The following TMEM190 variants were observed in gnomAD, a reference collection of about 807,000 sequenced individuals.
TMEM190 encodes the protein transmembrane protein 190.
TMEM190 carries 17 observed loss-of-function variants against 17.1 expected under a neutral mutation model. That is an observed-to-expected ratio of 0.99 (90% CI 0.68 to 1.49). TMEM190 has a LOEUF of 1.49. Among genes scored for constraint, TMEM190 ranks in the 40% most tolerant of loss-of-function variants. The pLI, the probability that TMEM190 is intolerant of heterozygous loss-of-function variation, is 0.00. For missense variants in TMEM190, 246 were observed against 245.0 expected (o/e 1.00, Z -0.03); for synonymous variants, 101 against 103.8 (o/e 0.97, Z 0.16).
intron 2 of TMEM190, 79 bp from the exon 3 acceptor site, chr19:55,377,514 C>A: frequency 6.5e-7 from 1 of 1,543,046 alleles, no homozygotes; most frequent in Non-Finnish European, 8.7e-7. Flanking sequence ...AGCCTGGGAG[C>A]ATGGCCTTGG....
chr19:55,377,179 G>GCCTGGACC (rs2089858174), intron 2 of TMEM190, among the ~76,000 whole-genome samples, 153 bp downstream of exon 2: 1 of 86,530 alleles, frequency 1.2e-5, no homozygotes, highest in Non-Finnish European at 2.6e-5. Context: ...GGGGCTGGGG[G>GCCTGGACC]CCTGGATCCC....
intron 2 of TMEM190, 130 bp downstream of exon 2, chr19:55,377,156 G>T: frequency 3.8e-6 from 4 of 1,065,730 alleles, no homozygotes; most frequent in Non-Finnish European, 5.6e-6. Flanking sequence ...GGACTCCTGG[G>T]TCTGAGGGAG....
At position 55,377,606 on chromosome 19, in the gene TMEM190, C is replaced by T; in HGVS notation, c.108C>T (p.Asp36=). The T allele has an allele frequency of 6.2e-7, 1 of 1,611,532 alleles. No individual in the cohort carries two copies. The highest frequency in any genetic ancestry group is 1.1e-5 in the South Asian group (1 of 90,778). The part of the protein sequence containing the change: ...GFFYPWSCEG[D]IWDRESCGGQ... ...GTTGGTCCCCAGGCTGTGAGGGTGA[C>T]ATATGGGACCGGGAGAGCTGTGGGG... The change falls in exon 3 of 5, where the codon GAC becomes GAT. Residue 36 remains aspartate (D), a synonymous_variant. Transcript: ENST00000291934.
chr19:55,377,718 G>A lies in TMEM190; in HGVS notation c.220G>A (p.Glu74Lys), dbSNP rs561544911. 5.0e-6 allele frequency: 8 copies of A among 1,611,392 alleles called. No individual in the cohort carries two copies. The highest frequency in any genetic ancestry group is 2.2e-5 in the South Asian group (2 of 90,896). ...GGTCTGCTACCACCAGCGTCCAGAC[G>A]GTGAGGGCTCCTGGCCCCAGGTCCC... ...NGVCYHQRPD[E>K]NVRRKHMWAL... Residue 74 changes from glutamate (E) to lysine (K), a missense_variant and splice_region_variant, in exon 3 of 5, where the codon GAA becomes AAA. Coordinates refer to ENST00000291934, the MANE Select transcript of TMEM190 (RefSeq NM_139172.3).
intron 2 of TMEM190, 65 bp from the exon 3 acceptor site, chr19:55,377,528 C>G: frequency 2.6e-6 from 4 of 1,552,250 alleles, no homozygotes; most frequent in Non-Finnish European, 3.5e-6. Context: ...GCCTTGGAAT[C>G]TCGTGTATGA....
rs1169572611 is a variant in TMEM190, at chr19:55,376,904, C to G, written c.51C>G (p.Gly17=). The G allele has an allele frequency of 1.3e-6, 2 of 1,579,002 alleles. No individual in the cohort carries two copies. The highest frequency in any genetic ancestry group is 1.9e-5 in the Admixed American group (1 of 53,944). Residue 17 remains glycine, a synonymous_variant, in exon 1 of 5, where the codon GGC becomes GGG. Transcript: ENST00000291934. ...TGGGCCTGCTCCTGCTGCTGCAGGG[C>G]TCGGCAGGTGAGGGGCTGGTGAGGC... The part of the protein sequence containing the change: ...PALGLLLLLQ[G]SADGNGIQGF...
chr19:55,377,905 G>A lies in TMEM190; in HGVS notation c.305+19G>A. ...TGTTCTGGCGAGTGGGCCTGGGATA[G>A]GGCGGGCGCCTGCACCCCCAGGGGG... On this transcript the variant is annotated intron_variant, in intron 4 of 4. Coordinates refer to ENST00000291934, the MANE Select transcript of TMEM190 (RefSeq NM_139172.3). The A allele has an allele frequency of 6.2e-7, 1 of 1,607,250 alleles. No individual in the cohort carries two copies. Among genetic ancestry groups the A allele is most frequent in the Non-Finnish European group, 8.5e-7 (1 of 1,179,644 alleles).
chr19:55,377,900 G>C lies in TMEM190; in HGVS notation c.305+14G>C. On this transcript the variant is annotated intron_variant, in intron 4 of 4. Coordinates refer to ENST00000291934, the MANE Select transcript of TMEM190 (RefSeq NM_139172.3). ...CTGCTTGTTCTGGCGAGTGGGCCTGGGATAGGGCGGGCGCCTGCACCCCCA... is the reference window on the plus strand; with the variant it reads ...CTGCTTGTTCTGGCGAGTGGGCCTGCGATAGGGCGGGCGCCTGCACCCCCA... The C allele has an allele frequency of 4.4e-6, 7 of 1,607,574 alleles. No homozygotes were observed. The highest frequency in any genetic ancestry group is 5.9e-6 in the Non-Finnish European group (7 of 1,179,696).
intron 2 of TMEM190, 37 bp downstream of exon 2, chr19:55,377,063 G>C: frequency 6.5e-7 from 1 of 1,550,106 alleles, no homozygotes; most frequent in Non-Finnish European, 8.7e-7. Flanking sequence ...ACCCAGGGAG[G>C]GGAGCCCAGA....
chr19:55,377,979 G>A lies in TMEM190; in HGVS notation c.310G>A (p.Ala104Thr). The change falls in exon 5 of 5, where the codon GCC (alanine) becomes ACC (threonine). Residue 104 changes from alanine to threonine, a missense_variant. Physicochemically the swap from Ala to Thr is moderately conservative, Grantham distance 58. Transcript: ENST00000291934. Reference sequence around the variant, plus strand: ...TGAGCCGTCCGCTCCCTGCAGGTGGGCCAAGCGCCGGGACGTGCTGCATAT... The same window carrying A: ...TGAGCCGTCCGCTCCCTGCAGGTGGACCAAGCGCCGGGACGTGCTGCATAT... Reference protein sequence around the residue: ...LSCSICLFWWAKRRDVLHMPG... With the variant: ...LSCSICLFWWTKRRDVLHMPG... 6.2e-7 allele frequency: 1 copy of A among 1,611,054 alleles called. No homozygotes were observed. Among genetic ancestry groups the A allele is most frequent in the Admixed American group, 1.7e-5 (1 of 59,978 alleles).
intron 3 of TMEM190, 41 bp from the exon 4 acceptor site, chr19:55,377,761 G>A (rs1208643153): frequency 9.9e-6 from 16 of 1,612,292 alleles, no homozygotes; most frequent in East Asian, 2.2e-5. Flanking sequence ...TGGGTCTGGC[G>A]GTCGGGAGCC....
intron 2 of TMEM190, 57 bp downstream of exon 2, chr19:55,377,083 T>A: frequency 1.3e-6 from 2 of 1,530,192 alleles, no homozygotes; most frequent in Non-Finnish European, 1.8e-6. Context: ...ATCAGACCCC[T>A]GAATCTGAGG....
At chr19:55,377,491 G>A (rs1371303501) in intron 2 of TMEM190, 102 bp from the exon 3 acceptor site, 3 of 1,525,068 alleles carry the variant, frequency 2.0e-6, no homozygotes, top group Non-Finnish European at 2.6e-6. Context: ...CACAGAGTAA[G>A]CACCAGGAAG....
chr19:55,378,028 G>A lies in TMEM190; in HGVS notation c.359G>A (p.Cys120Tyr). ...LHMPGFLAGP[C>Y]DMSKSVSLLS... Reference sequence around the variant, plus strand: ...ATGCCCGGTTTCCTGGCGGGTCCGTGTGACATGTCCAAGTCCGTCTCGCTG... The same window carrying A: ...ATGCCCGGTTTCCTGGCGGGTCCGTATGACATGTCCAAGTCCGTCTCGCTG... The change falls in exon 5 of 5, where the codon TGT becomes TAT. Residue 120 changes from cysteine to tyrosine, a missense_variant. Coordinates refer to ENST00000291934, the MANE Select transcript of TMEM190 (RefSeq NM_139172.3). The A allele has an allele frequency of 6.2e-7, 1 of 1,612,912 alleles. No homozygotes were observed. Among genetic ancestry groups the A allele is most frequent in the South Asian group, 1.1e-5 (1 of 91,044 alleles).
intron 2 of TMEM190, 42 bp from the exon 3 acceptor site, chr19:55,377,551 G>A (rs755221511): frequency 2.6e-5 from 41 of 1,576,268 alleles, no homozygotes; most frequent in Non-Finnish European, 2.9e-5. Context: ...CCTTCGGAGC[G>A]GAGCGCTGTG....
At chr19:55,377,322 C>T (rs1249428844) in intron 2 of TMEM190, among the ~76,000 whole-genome samples, 1 of 99,160 alleles carries the variant, frequency 1.0e-5, no homozygotes, top group Non-Finnish European at 2.0e-5. Context: ...AGGGGCTGGG[C>T]CTGGACTCCT....
At position 55,377,586 on chromosome 19, in the gene TMEM190, T is replaced by G. The variant is rs777709718; in HGVS notation, c.95-7T>G. On this transcript the variant is annotated splice_polypyrimidine_tract_variant and splice_region_variant and intron_variant, in intron 2 of 4. Transcript: ENST00000291934. ...GATGAAGCAAGCCACTGGTGGTTGG[T>G]CCCCAGGCTGTGAGGGTGACATATG... The G allele has an allele frequency of 6.2e-7, 1 of 1,603,798 alleles. No individual in the cohort carries two copies.
Position 55,378,001 on chromosome 19 carries a change from A to G in TMEM190, c.332A>G (p.His111Arg), listed in dbSNP as rs142971756. ...TGGGCCAAGCGCCGGGACGTGCTGC[A>G]TATGCCCGGTTTCCTGGCGGGTCCG... ...FWWAKRRDVL[H>R]MPGFLAGPCD... is the part of the protein sequence containing the mutation. Residue 111 changes from histidine to arginine, a missense_variant, in exon 5 of 5, where the codon CAT (histidine) becomes CGT (arginine). His to Arg is a conservative substitution (Grantham distance 29). Transcript: ENST00000291934. 94 of 1,612,582 alleles carry G rather than the reference A, an allele frequency of 5.8e-5. No individual in the cohort carries two copies. Among genetic ancestry groups the G allele is most frequent in the Non-Finnish European group, 8.0e-5 (94 of 1,179,904 alleles).
chr19:55,376,837 G>T lies in TMEM190; in HGVS notation c.-17G>T. 1.3e-6 allele frequency: 2 copies of T among 1,540,936 alleles called. No homozygotes were observed. The highest frequency in any genetic ancestry group is 1.4e-5 in the African/African-American group (1 of 73,534). On this transcript the variant is annotated 5_prime_UTR_variant, in exon 1 of 5. Coordinates refer to ENST00000291934, the MANE Select transcript of TMEM190 (RefSeq NM_139172.3). The stretch of plus-strand genomic sequence containing the variant: ...AGGCCTCTTCCCACAGTGGCCCCAG[G>T]GGTCTGGGGAGGTGACATGTTGGGC...
Sources: allele counts gnomAD v4.1 joint callset (sites outside exome capture counted in the v4.1 genomes callset), GRCh38; gene constraint gnomAD v4.1.1; transcripts MANE v1.5; gene names NCBI Gene and HGNC (gene_info 2026-07-23, HGNC 2026-07-21).